The following FYB2 variants were observed in gnomAD, a reference collection of about 807,000 sequenced individuals.
FYB2 encodes FYN-binding protein 2.
Under a neutral mutation model 94.1 loss-of-function variants are expected in FYB2, and 103 were observed. The ratio of observed to expected loss-of-function variants is 1.09; its 90% confidence interval spans 0.93 to 1.29. FYB2 has a LOEUF of 1.29. Ranked by LOEUF, FYB2 falls within the 50% of genes most tolerant of loss-of-function variation. The pLI is 0.00. For missense variants in FYB2, 896 were observed against 841.5 expected, an observed-to-expected ratio of 1.06 and a Z score of -0.80; for synonymous variants, 293 against 287.9, an observed-to-expected ratio of 1.02 and a Z score of -0.18.
At position 56,777,429 on chromosome 1, in the gene FYB2, T is replaced by C. The variant is rs190055657; in HGVS notation, c.954-9491A>G. On this transcript the variant is annotated intron_variant, in intron 4 of 19. Transcript: ENST00000343433. The stretch of plus-strand genomic sequence containing the variant: ...CTGGATCTTCTAATTTTTAATTCAT[T>C]CAATTTAAACACACTTTAATTATGC... 4.7e-4 allele frequency among the ~76,000 whole-genome samples: 72 copies of C among 152,272 alleles called. 1 individual carries two copies. In the East Asian group the frequency reaches 0.013, roughly 28 times the overall value.
chr1:56,731,713 AACATC>A (rs1273655447), intron 15 of FYB2, among the ~76,000 whole-genome samples: 2 of 152,154 alleles, frequency 1.3e-5, no homozygotes, highest in Non-Finnish European at 2.9e-5. Flanking sequence ...ATAAATGTGA[AACATC>A]ACTGCAACAG....
intron 15 of FYB2, among the ~76,000 whole-genome samples, chr1:56,728,300 C>T (rs918524394): frequency 2.0e-5 from 3 of 151,996 alleles, no homozygotes; most frequent in East Asian, 3.9e-4. Flanking sequence ...GATTTTTGAT[C>T]GCCTAAATAA....
intron 5 of FYB2, among the ~76,000 whole-genome samples, chr1:56,764,482 CT>C (rs1447718141): frequency 6.6e-6 from 1 of 151,184 alleles, no homozygotes; most frequent in African/African-American, 2.4e-5. Flanking sequence ...GTCATTGACT[CT>C]TTTGTCCCTC....
chr1:56,826,092 T>C, the FYB2 span, among the ~76,000 whole-genome samples: 2 of 152,204 alleles, frequency 1.3e-5, no homozygotes, highest in Admixed American at 6.5e-5. Context: ...GTAGGCATAA[T>C]CTTTGCATCA....
chr1:56,779,556 T>C (rs1344051151), intron 4 of FYB2, among the ~76,000 whole-genome samples: 2 of 152,192 alleles, frequency 1.3e-5, no homozygotes, highest in Non-Finnish European at 2.9e-5. Context: ...ATATTGGACA[T>C]GCAAACCAAG....
At chr1:56,736,789 A>C (rs1452522541) in intron 15 of FYB2, among the ~76,000 whole-genome samples, 2 of 152,080 alleles carry the variant, frequency 1.3e-5, no homozygotes, top group African/African-American at 4.8e-5. Flanking sequence ...GCTATCCTTC[A>C]TGTTGTCATG....
intron 1 of FYB2, among the ~76,000 whole-genome samples, chr1:56,795,100 C>T (rs4912227): frequency 3.2e-4 from 48 of 151,458 alleles, no homozygotes; most frequent in Non-Finnish European, 5.3e-4. Flanking sequence ...TAACCAATCT[C>T]CAGAACTCTT....
intron 4 of FYB2, among the ~76,000 whole-genome samples, chr1:56,771,446 C>T (rs768076166): frequency 2.0e-5 from 3 of 152,144 alleles, no homozygotes; most frequent in Non-Finnish European, 4.4e-5. Context: ...AACGTAAGAA[C>T]ATACTAAATG....
chr1:56,751,252 T>A (rs1645191902), intron 8 of FYB2, 49 bp from the exon 9 acceptor site: 1 of 1,563,884 alleles, frequency 6.4e-7, no homozygotes, highest in South Asian at 1.2e-5. Context: ...ACTTACCTAA[T>A]CAGTTCTTTG....
chr1:56,731,369 G>C (rs943777120), intron 15 of FYB2, among the ~76,000 whole-genome samples: 2 of 151,988 alleles, frequency 1.3e-5, no homozygotes, highest in African/African-American at 4.8e-5. Context: ...AAATAGAGAT[G>C]GGGTCCCACT....
At chr1:56,724,976 G>T (rs1644556382) in intron 16 of FYB2, among the ~76,000 whole-genome samples, 1 of 151,934 alleles carries the variant, frequency 6.6e-6, no homozygotes, top group Non-Finnish European at 1.5e-5. Flanking sequence ...GTTTCCTAGA[G>T]CCTGGCATCT....
In FYB2 at chr1:56,789,033, T is replaced by C. The variant is rs768399593; in HGVS notation, c.859A>G (p.Ile287Val). Residue 287 changes from isoleucine (I) to valine (V), a missense_variant, in exon 3 of 20, where the codon ATC (isoleucine) becomes GTC (valine). Transcript: ENST00000343433. ...CTCTGAAAGGCCTGGAGGTTCACGA[T>C]GGGAGGTCTTGAAGGCTTTGGGGGA... The part of the protein sequence containing the change: ...PPPPKPSRPP[I>V]VNLQAFQRQP... 7 of 1,614,072 alleles carry C rather than the reference T, an allele frequency of 4.3e-6. No individual in the cohort carries two copies. The highest frequency in any genetic ancestry group is 1.3e-5 in the African/African-American group (1 of 75,038).
intron 4 of FYB2, among the ~76,000 whole-genome samples, chr1:56,779,628 G>T (rs752037320): frequency 6.6e-6 from 1 of 152,136 alleles, no homozygotes; most frequent in Admixed American, 6.5e-5. Flanking sequence ...AGTGGAAGAT[G>T]ATATCATTCT....
Position 56,819,332 on chromosome 1 carries a change from C to T in FYB2, c.-42G>A. ...AGAGTCAGGGAAACAAGCCCAGCCTCTCAGAGCTGGGTCCTGGGGCCAACA... is the reference window on the plus strand; with the variant it reads ...AGAGTCAGGGAAACAAGCCCAGCCTTTCAGAGCTGGGTCCTGGGGCCAACA... On this transcript the variant is annotated 5_prime_UTR_variant, in exon 1 of 20. Coordinates refer to ENST00000343433, the MANE Select transcript of FYB2 (RefSeq NM_001004303.5). 6.2e-7 allele frequency: 1 copy of T among 1,613,708 alleles called. No individual in the cohort carries two copies. Among genetic ancestry groups the T allele is most frequent in the Non-Finnish European group, 8.5e-7 (1 of 1,179,700 alleles).
At chr1:56,803,846 C>T (rs1646576381) in intron 1 of FYB2, among the ~76,000 whole-genome samples, 1 of 152,192 alleles carries the variant, frequency 6.6e-6, no homozygotes, top group Non-Finnish European at 1.5e-5. Flanking sequence ...AATCTACTGT[C>T]CAAATTTTAC....
At chr1:56,774,967 C>T (rs1288307798) in intron 4 of FYB2, among the ~76,000 whole-genome samples, 2 of 152,064 alleles carry the variant, frequency 1.3e-5, no homozygotes, top group African/African-American at 2.4e-5. Flanking sequence ...TGCCAGGGCT[C>T]TCAGGCCTTC....
intron 4 of FYB2, among the ~76,000 whole-genome samples, chr1:56,773,735 A>C (rs528714213): frequency 6.6e-6 from 1 of 152,246 alleles, no homozygotes; most frequent in South Asian, 2.1e-4. Flanking sequence ...TGTTAGCCAT[A>C]CTTGTATATT....
chr1:56,766,604 A>T lies in FYB2; in HGVS notation c.1063+1225T>A, dbSNP rs1490098236. Among the ~76,000 whole-genome samples the T allele has an allele frequency of 2.0e-5, 3 of 151,654 alleles. No homozygotes were observed. The East Asian group carries it at 5.8e-4, about 30-fold the overall frequency. On this transcript the variant is annotated intron_variant, in intron 5 of 19. Coordinates refer to ENST00000343433, the MANE Select transcript of FYB2 (RefSeq NM_001004303.5). ...TCCCACCACCACCACACCTGGCTAA[A>T]TTTTTTGTATTTTTAGTAGAGACGG...
At chr1:56,726,846 T>C (rs1210134838) in intron 15 of FYB2, among the ~76,000 whole-genome samples, 1 of 152,092 alleles carries the variant, frequency 6.6e-6, no homozygotes, top group Non-Finnish European at 1.5e-5. Flanking sequence ...AGGCCATAGT[T>C]TGCTGACCCC....
Sources: allele counts gnomAD v4.1 joint callset (sites outside exome capture counted in the v4.1 genomes callset), GRCh38; gene constraint gnomAD v4.1.1; transcripts MANE v1.5; gene names NCBI Gene and HGNC (gene_info 2026-07-23, HGNC 2026-07-21).